The following ITGA6 variants were observed in gnomAD, a reference collection of about 807,000 sequenced individuals.
The protein encoded by ITGA6 is integrin alpha-6.
A neutral mutation model predicts 133.6 loss-of-function variants in ITGA6; 63 were observed. The ratio of observed to expected loss-of-function variants is 0.47; its 90% CI spans 0.38 to 0.58. The LOEUF is 0.58. Among genes scored for constraint, ITGA6 ranks in the 20% least tolerant of loss-of-function variants. The probability of loss-of-function intolerance (pLI) is 0.00; values close to 1 mark genes in which losing one functional copy is unlikely to be tolerated. For missense variants in ITGA6, 1,068 were observed against 1,309.4 expected (o/e 0.82, Z 2.85); for synonymous variants, 434 against 482.0 (o/e 0.90, Z 1.30).
chr2:172,497,113 C>G (rs958681575), intron 23 of ITGA6, among the ~76,000 whole-genome samples: 4 of 152,136 alleles, frequency 2.6e-5, no homozygotes, highest in African/African-American at 4.8e-5. Context: ...AGCCCTATCC[C>G]TATTTTTGTA....
In ITGA6 at chr2:172,483,447, G is replaced by A. The variant is rs144538993; in HGVS notation, c.1550-1335G>A. ...GAGTTATTCATTTTCTGTGTTTTCTGTAGCAGATTTTTGTCCTGGAGATTG... is the reference window on the plus strand; with the variant it reads ...GAGTTATTCATTTTCTGTGTTTTCTATAGCAGATTTTTGTCCTGGAGATTG... On this transcript the variant is annotated intron_variant, in intron 11 of 25. Transcript: ENST00000684293. 4.6e-3 allele frequency among the ~76,000 whole-genome samples: 706 copies of A among 152,254 alleles called. 7 individuals carry two copies. The highest frequency in any genetic ancestry group is 0.016 in the African/African-American group (648 of 41,556).
intron 1 of ITGA6, among the ~76,000 whole-genome samples, chr2:172,464,726 G>A (rs1685574047): frequency 6.6e-6 from 1 of 152,188 alleles, no homozygotes; most frequent in African/African-American, 2.4e-5. Flanking sequence ...CTCGGCTGGG[G>A]AGAAGAAGGA....
chr2:172,504,735 T>A lies in ITGA6; in HGVS notation c.*667T>A, dbSNP rs1298229720. 1 of 152,930 alleles carries A rather than the reference T, an allele frequency of 6.5e-6. No individual in the cohort carries two copies. Among genetic ancestry groups the A allele is most frequent in the Non-Finnish European group, 1.5e-5 (1 of 68,242 alleles). The allele number at this position is 152,930 out of a possible 1,614,324, so 9.5% of individuals were successfully genotyped here. ...TTCAACGGAAAGTGCTGTCTTAAAC[T>A]AAATGTGCAATAGAAGGTGATGTTG... On this transcript the variant is annotated 3_prime_UTR_variant, in exon 26 of 26. Transcript: ENST00000684293.
chr2:172,458,380 C>T (rs1034590581), intron 1 of ITGA6, among the ~76,000 whole-genome samples: 1 of 151,870 alleles, frequency 6.6e-6, no homozygotes. Flanking sequence ...GCTGGGATTA[C>T]AGGTGTGAGC....
chr2:172,445,628 G>A (rs4993282), intron 1 of ITGA6, among the ~76,000 whole-genome samples: 17,958 of 147,064 alleles, frequency 0.12, 1,833 homozygotes, highest in East Asian at 0.52. Context: ...CAGTCTGGGC[G>A]ACAGAGTGAG....
chr2:172,475,218 A>T, intron 7 of ITGA6, 96 bp downstream of exon 7: 1 of 893,848 alleles, frequency 1.1e-6, no homozygotes, highest in Non-Finnish European at 1.8e-6. Context: ...CTGTAATCCC[A>T]GCACTTTGGG....
chr2:172,443,631 G>GC (rs1684631498), intron 1 of ITGA6, among the ~76,000 whole-genome samples: 1 of 152,156 alleles, frequency 6.6e-6, no homozygotes, highest in African/African-American at 2.4e-5. Context: ...ATCCCTGAAG[G>GC]CTTCAATGTT....
rs1157850053 is a variant in ITGA6, at chr2:172,504,756, T to C, written c.*688T>C. The C allele has an allele frequency of 6.5e-6, 1 of 152,924 alleles. No homozygotes were observed. Among genetic ancestry groups the C allele is most frequent in the East Asian group, 1.9e-4 (1 of 5,196 alleles). The allele number at this position is 152,924 out of a possible 1,614,324, so 9.5% of individuals were successfully genotyped here. ...AAACTAAATGTGCAATAGAAGGTGA[T>C]GTTGCCATCCTACCGTCTTTTCCTG... On this transcript the variant is annotated 3_prime_UTR_variant, in exon 26 of 26. Coordinates refer to ENST00000684293, the MANE Select transcript of ITGA6 (RefSeq NM_000210.4).
intron 1 of ITGA6, among the ~76,000 whole-genome samples, chr2:172,448,716 A>G: frequency 6.6e-6 from 1 of 152,238 alleles, no homozygotes; most frequent in East Asian, 1.9e-4. Context: ...CTGTGTAAAC[A>G]TGAAAATTCC....
At position 172,468,305 on chromosome 2, in the gene ITGA6, C is replaced by CT. The variant is rs527537629; in HGVS notation, c.387+746dup. Among the ~76,000 whole-genome samples the CT allele has an allele frequency of 5.9e-5, 9 of 152,206 alleles. No individual in the cohort carries two copies. The East Asian group carries it at 1.7e-3, about 29-fold the overall frequency. On this transcript the variant is annotated intron_variant, in intron 3 of 25. Coordinates refer to ENST00000684293, the MANE Select transcript of ITGA6 (RefSeq NM_000210.4). ...AAGAGGGTTTGTTAGGTGGATTGGG[C>CT]TAGATGGTCATGGTAAGGCCTTCCT...
chr2:172,449,164 C>G (rs1434071309), intron 1 of ITGA6, among the ~76,000 whole-genome samples: 1 of 152,128 alleles, frequency 6.6e-6, no homozygotes, highest in Non-Finnish European at 1.5e-5. Flanking sequence ...GAATGCTGCA[C>G]AGTGGGAAGG....
rs145966236 is a variant in ITGA6, at chr2:172,489,871, C to T, written c.2679+213C>T. ...ACCATTATAGTACATAAGGCAGAGT[C>T]ATTCAGTGCTTGCTGAGGCAAATGG... On this transcript the variant is annotated intron_variant, in intron 20 of 25. Transcript: ENST00000684293. 1.1e-3 allele frequency: 560 copies of T among 525,640 alleles called. 2 individuals carry two copies. Among genetic ancestry groups the T allele is most frequent in the African/African-American group, 7.1e-3 (370 of 52,216 alleles). 32.6% of individuals were successfully genotyped at this position (525,640 alleles called of 1,614,324 possible).
chr2:172,499,690 AAGTT>A (rs1687271923), intron 24 of ITGA6, among the ~76,000 whole-genome samples: 1 of 152,176 alleles, frequency 6.6e-6, no homozygotes, highest in African/African-American at 2.4e-5. Context: ...TCAAAAACTA[AAGTT>A]GGGGTTTGAT....
At chr2:172,469,446 A>ATGATTTAGTACAT in intron 4 of ITGA6, 66 bp downstream of exon 4, 1 of 756,724 alleles carries the variant, frequency 1.3e-6, no homozygotes, top group Non-Finnish European at 1.7e-6. Flanking sequence ...GATTTAGTAC[A>ATGATTTAGTACAT]TTTTGAGCTA....
At chr2:172,474,819 T>C in intron 6 of ITGA6, 110 bp from the exon 7 acceptor site, 2 of 736,044 alleles carry the variant, frequency 2.7e-6, no homozygotes, top group Non-Finnish European at 5.0e-6. Flanking sequence ...TCATAAATTC[T>C]GGAGTTGAGG....
At chr2:172,481,659 C>CT (rs1686446079) in intron 11 of ITGA6, among the ~76,000 whole-genome samples, 1 of 152,148 alleles carries the variant, frequency 6.6e-6, no homozygotes, top group Non-Finnish European at 1.5e-5. Flanking sequence ...TCGTCTCCTG[C>CT]TGTGTGGTCT....
intron 1 of ITGA6, among the ~76,000 whole-genome samples, chr2:172,433,146 G>A (rs1284049632): frequency 2.0e-5 from 3 of 152,124 alleles, no homozygotes; most frequent in Non-Finnish European, 4.4e-5. Flanking sequence ...AGCCCCCGGT[G>A]CCCATCTTCC....
At chr2:172,485,366 C>T (rs1403748875) in intron 13 of ITGA6, 102 bp downstream of exon 13, 3 of 1,050,072 alleles carry the variant, frequency 2.9e-6, no homozygotes, top group Non-Finnish European at 4.5e-6. Context: ...GCTTTAAAGG[C>T]CATTCTTTTG....
chr2:172,480,088 T>C (rs753122000), intron 11 of ITGA6, 37 bp downstream of exon 11: 2 of 1,208,364 alleles, frequency 1.7e-6, no homozygotes, highest in Admixed American at 1.7e-5. Flanking sequence ...GTCTACTTTC[T>C]GTCTGCCAGG....
Sources: allele counts gnomAD v4.1 joint callset (sites outside exome capture counted in the v4.1 genomes callset), GRCh38; gene constraint gnomAD v4.1.1; transcripts MANE v1.5; gene names NCBI Gene and HGNC (gene_info 2026-07-23, HGNC 2026-07-21).